The following EXOSC8 variants were observed in gnomAD, a reference collection of about 807,000 sequenced individuals.
The protein encoded by EXOSC8 is exosome complex component RRP43.
EXOSC8 carries 37 observed loss-of-function variants against 39.9 expected under a neutral mutation model. The ratio of observed to expected loss-of-function variants is 0.93; its 90% CI spans 0.71 to 1.22. EXOSC8 has a LOEUF of 1.22. EXOSC8 is among the 50% of genes most tolerant of loss of function. The pLI, the probability that EXOSC8 is intolerant of heterozygous loss-of-function variation, is 0.00. For synonymous variants in EXOSC8, 93 were observed against 109.5 expected (o/e 0.85, Z 0.94); for missense variants, 313 against 326.6 (o/e 0.96, Z 0.32).
intron 1 of EXOSC8, among the ~76,000 whole-genome samples, 154 bp downstream of exon 1, chr13:37,000,976 G>T (rs2059096575): frequency 6.6e-6 from 1 of 152,224 alleles, no homozygotes; most frequent in African/African-American, 2.4e-5. Flanking sequence ...GGACCTGGAG[G>T]TTGTCACAGT....
rs1183472536 is a variant in EXOSC8, at chr13:37,002,548, A to C, written c.115A>C (p.Ile39Leu). The C allele has an allele frequency of 1.9e-6, 3 of 1,585,284 alleles. No homozygotes were observed. Among genetic ancestry groups the C allele is most frequent in the Admixed American group, 1.7e-5 (1 of 57,594 alleles). Reference sequence around the variant, plus strand: ...TGAATTCAGAACCACAACTGTCAACATCGGTAAGGATGTATTTTCCACTTT... The same window carrying C: ...TGAATTCAGAACCACAACTGTCAACCTCGGTAAGGATGTATTTTCCACTTT... ...LGEFRTTTVN[I>L]GSISTADGSA... is the part of the protein sequence containing the mutation. The change falls in exon 3 of 11, where the codon ATC (isoleucine) becomes CTC (leucine). Residue 39 changes from isoleucine (I) to leucine (L), a missense_variant. Coordinates refer to ENST00000389704, the MANE Select transcript of EXOSC8 (RefSeq NM_181503.3).
chr13:37,001,195 C>G (rs1474938230), intron 1 of EXOSC8, among the ~76,000 whole-genome samples: 3 of 152,058 alleles, frequency 2.0e-5, no homozygotes, highest in Non-Finnish European at 4.4e-5. Flanking sequence ...GATCACCTGA[C>G]GTCAGGAGTT....
Position 37,008,109 on chromosome 13 carries a change from T to C in EXOSC8, c.540T>C (p.Asn180=). ...AAGAAACTGCTTTAGCAGAAGTTAA[T>C]TTAAAGAAGAAAAGTTATTTGAATA... The part of the protein sequence containing the change: ...INEETALAEV[N]LKKKSYLNIR... The change falls in exon 9 of 11, where the codon AAT becomes AAC. Residue 180 remains asparagine, a synonymous_variant. Transcript: ENST00000389704. 1 of 1,598,778 alleles carries C rather than the reference T, an allele frequency of 6.3e-7. No individual in the cohort carries two copies.
chr13:37,007,159 T>C (rs774537686), intron 8 of EXOSC8, 88 bp downstream of exon 8: 26 of 814,616 alleles, frequency 3.2e-5, no homozygotes, highest in Non-Finnish European at 5.5e-5. Context: ...TGCTTTCGTA[T>C]GCTTCCAAAT....
At chr13:37,008,424 A>G (rs922741183) in intron 9 of EXOSC8, among the ~76,000 whole-genome samples, 2 of 152,226 alleles carry the variant, frequency 1.3e-5, no homozygotes, top group African/African-American at 4.8e-5. Flanking sequence ...ATCTGAAGCT[A>G]TCTTCAATAT....
chr13:37,000,945 C>A, intron 1 of EXOSC8, 123 bp downstream of exon 1: 1 of 1,219,988 alleles, frequency 8.2e-7, no homozygotes, highest in South Asian at 1.6e-5. Flanking sequence ...CCTTCCTCGT[C>A]GAGGCAGACG....
intron 5 of EXOSC8, among the ~76,000 whole-genome samples, chr13:37,005,410 A>G (rs1044942813): frequency 3.9e-5 from 6 of 152,128 alleles, no homozygotes; most frequent in African/African-American, 1.4e-4. Flanking sequence ...CATATGGGGG[A>G]AAAATGTCAG....
At position 37,004,825 on chromosome 13, in the gene EXOSC8, T is replaced by C. The variant is rs143465145; in HGVS notation, c.238+264T>C. Among the ~76,000 whole-genome samples, 84 of 152,230 alleles carry C rather than the reference T, an allele frequency of 5.5e-4. No individual in the cohort carries two copies. In the East Asian group the frequency reaches 0.014, roughly 25 times the overall value. On this transcript the variant is annotated intron_variant, in intron 5 of 10. Transcript: ENST00000389704. ...ATTCATAAGTTACTAACCAAGAAAA[T>C]AGAATTTTGGCTGGGTGTGGTGACT...
At chr13:37,008,867 T>C (rs1335731082) in intron 10 of EXOSC8, 32 bp downstream of exon 10, 22 of 1,386,976 alleles carry the variant, frequency 1.6e-5, no homozygotes, top group African/African-American at 2.8e-5. Context: ...CCTAAACATA[T>C]GTAGATGAAA....
chr13:37,008,273 C>G (rs2138854112), intron 9 of EXOSC8, 96 bp downstream of exon 9: 1 of 1,008,100 alleles, frequency 9.9e-7, no homozygotes, highest in Non-Finnish European at 1.5e-6. Flanking sequence ...TATGGTGACC[C>G]TACATCCTAG....
chr13:37,007,074 A>C lies in EXOSC8; in HGVS notation c.487+3A>C. ...TTTGCTAGCGGCTTTAAAAAATGGT[A>C]AGCAGCCTTACAAAAAAGGCAATAT... On this transcript the variant is annotated splice_donor_region_variant and intron_variant, in intron 8 of 10. Transcript: ENST00000389704. 1 of 1,595,416 alleles carries C rather than the reference A, an allele frequency of 6.3e-7. No homozygotes were observed.
In EXOSC8 at chr13:37,005,966, T is replaced by TGG; in HGVS notation, c.286_287dup (p.Pro97AspfsTer23). On this transcript the variant is annotated frameshift_variant, in exon 6 of 11. Coordinates refer to ENST00000389704, the MANE Select transcript of EXOSC8 (RefSeq NM_181503.3). LOFTEE classifies it high-confidence loss of function. ...CCCTGTGTTCATCGAGATTCCGGTCTGGACCTCCTGGAGAAGAGGCCCAAG... is the reference window on the plus strand; with the variant it reads ...CCCTGTGTTCATCGAGATTCCGGTCTGGGGACCTCCTGGAGAAGAGGCCCAAG... The TGG allele has an allele frequency of 6.2e-7, 1 of 1,612,536 alleles. No individual in the cohort carries two copies. Among genetic ancestry groups the TGG allele is most frequent in the Non-Finnish European group, 8.5e-7 (1 of 1,178,860 alleles).
At chr13:37,001,037 A>G (rs2059097286) in intron 1 of EXOSC8, among the ~76,000 whole-genome samples, 1 of 152,198 alleles carries the variant, frequency 6.6e-6, no homozygotes, top group South Asian at 2.1e-4. Context: ...AGGACTCTGT[A>G]GAGTTCCATA....
At chr13:37,007,328 C>T (rs2059146433) in intron 8 of EXOSC8, among the ~76,000 whole-genome samples, 1 of 152,142 alleles carries the variant, frequency 6.6e-6, no homozygotes, top group African/African-American at 2.4e-5. Flanking sequence ...GAGAAGGAGA[C>T]AAGAGTTGTA....
chr13:37,009,103 T>C, intron 10 of EXOSC8, 81 bp from the exon 11 acceptor site: 1 of 978,440 alleles, frequency 1.0e-6, no homozygotes, highest in South Asian at 1.5e-5. Flanking sequence ...ATTTTTTTGT[T>C]TTATAATTTG....
At position 37,009,393 on chromosome 13, in the gene EXOSC8, C is replaced by G. The variant is rs1441733872; in HGVS notation, c.*94C>G. ...TACTAAATAAATATCAAACTACATT[C>G]TTCTGAAAGATGTTTCTATTATTTC... On this transcript the variant is annotated 3_prime_UTR_variant, in exon 11 of 11. Coordinates refer to ENST00000389704, the MANE Select transcript of EXOSC8 (RefSeq NM_181503.3). 17 of 765,434 alleles carry G rather than the reference C, an allele frequency of 2.2e-5. 2 individuals carry two copies. The highest frequency in any genetic ancestry group is 1.4e-4 in the South Asian group (8 of 55,904). 47.4% of individuals were successfully genotyped at this position (765,434 alleles called of 1,614,324 possible).
At chr13:37,002,860 A>G in intron 3 of EXOSC8, 74 bp from the exon 4 acceptor site, 1 of 1,009,068 alleles carries the variant, frequency 9.9e-7, no homozygotes. Context: ...TAAAACACTT[A>G]ATTTTAATTA....
At position 37,008,840 on chromosome 13, in the gene EXOSC8, G is replaced by A. The variant is rs779285865; in HGVS notation, c.715+5G>A. The A allele has an allele frequency of 2.0e-6, 3 of 1,531,062 alleles. No homozygotes were observed. Among genetic ancestry groups the A allele is most frequent in the African/African-American group, 1.4e-5 (1 of 72,380 alleles). 94.8% of individuals were successfully genotyped at this position (1,531,062 alleles called of 1,614,324 possible). On this transcript the variant is annotated splice_donor_5th_base_variant and intron_variant, in intron 10 of 10. Transcript: ENST00000389704. ...TCTGTTGTCTTCACAAACCAGGCAT[G>A]TTCCCGCCACTTCAGTCCTAAACAT...
At chr13:37,005,877 A>AG (rs755276662) in intron 5 of EXOSC8, 43 bp from the exon 6 acceptor site, 14 of 861,420 alleles carry the variant, frequency 1.6e-5, no homozygotes, top group African/African-American at 3.4e-5. Context: ...AAAAAAAAAA[A>AG]AAAAAAAAGG....
Sources: allele counts gnomAD v4.1 joint callset (sites outside exome capture counted in the v4.1 genomes callset), GRCh38; gene constraint gnomAD v4.1.1; transcripts MANE v1.5; gene names NCBI Gene and HGNC (gene_info 2026-07-23, HGNC 2026-07-21).